COA8: variants seen among roughly 807,000 people sequenced by gnomAD.
The protein encoded by COA8 is UPF0671 protein C14orf153.
Under a neutral mutation model 22.0 loss-of-function variants are expected in COA8, and 20 were observed. The ratio of observed to expected loss-of-function variants is 0.91; its 90% CI spans 0.64 to 1.32. COA8 has a LOEUF of 1.32. COA8 is among the 40% of genes most tolerant of loss of function. The pLI, the probability that COA8 is intolerant of heterozygous loss-of-function variation, is 0.00. For missense variants in COA8, 266 were observed against 230.0 expected (o/e 1.16, Z -1.01); for synonymous variants, 105 against 79.9 (o/e 1.31, Z -1.68).
chr14:103,572,937 C>T (rs976053012), intron 2 of COA8, among the ~76,000 whole-genome samples: 1 of 151,734 alleles, frequency 6.6e-6, no homozygotes, highest in Non-Finnish European at 1.5e-5. Flanking sequence ...CACACACCTC[C>T]GTGCCCAGCT....
intron 1 of COA8, among the ~76,000 whole-genome samples, chr14:103,566,954 C>T (rs1484819254): frequency 6.6e-6 from 1 of 152,202 alleles, no homozygotes; most frequent in Non-Finnish European, 1.5e-5. Context: ...GTTGCCCAGG[C>T]TGGAGTGCAG....
At chr14:103,582,737 C>CCTTT (rs773173792) in intron 3 of COA8, among the ~76,000 whole-genome samples, 1 of 120,926 alleles carries the variant, frequency 8.3e-6, no homozygotes, top group East Asian at 2.3e-4. Flanking sequence ...TTCACCCTGC[C>CCTTT]TTTTTTTTTT....
rs1293806738 is a variant in COA8 at position 103,587,359 on chromosome 14, T to A, written c.471T>A (p.Tyr157Ter). The A allele has an allele frequency of 6.2e-7, 1 of 1,610,146 alleles. No homozygotes were observed. The highest frequency in any genetic ancestry group is 2.2e-5 in the East Asian group (1 of 44,810). Residue 157 changes from tyrosine to a stop codon, truncating the protein, a stop_gained, in exon 4 of 5, where the codon TAT becomes TAA. Transcript: ENST00000409074. LOFTEE classifies it high-confidence loss of function. ...AAAATTTTCAGAAGCACATGTATTA[T>A]AACAGGTAGGTGTTTACTCTTTTCC... ...LSKNFQKHMY[Y>*]NRDWYKRNFA...
At chr14:103,586,267 G>A (rs2076306395) in intron 3 of COA8, among the ~76,000 whole-genome samples, 1 of 147,534 alleles carries the variant, frequency 6.8e-6, no homozygotes, top group Non-Finnish European at 1.5e-5. Context: ...GAGTGCAGTG[G>A]TATGATCATG....
At chr14:103,574,578 C>G (rs1200789057) in intron 3 of COA8, 3 of 365,788 alleles carry the variant, frequency 8.2e-6, no homozygotes, top group Admixed American at 3.8e-5. Flanking sequence ...GTTCGTTAAA[C>G]AGATGTCTGC....
intron 1 of COA8, among the ~76,000 whole-genome samples, chr14:103,568,621 G>GTATATATATATATATA (rs57741003): frequency 2.4e-4 from 34 of 141,868 alleles, no homozygotes; most frequent in African/African-American, 8.8e-4. Context: ...ATGTGTGTGT[G>GTATATATATATATATA]TATATATATA....
At chr14:103,564,999 G>C (rs2076125644) in intron 1 of COA8, among the ~76,000 whole-genome samples, 1 of 152,136 alleles carries the variant, frequency 6.6e-6, no homozygotes, top group African/African-American at 2.4e-5. Context: ...TGTTGCCCAG[G>C]CTGGAGTGCA....
At chr14:103,564,824 G>A (rs374885043) in intron 1 of COA8, among the ~76,000 whole-genome samples, 4 of 151,976 alleles carry the variant, frequency 2.6e-5, no homozygotes, top group Non-Finnish European at 5.9e-5. Context: ...CAAGTGATGC[G>A]CCTGCCTGGG....
chr14:103,587,575 T>C (rs1433024316), intron 4 of COA8, among the ~76,000 whole-genome samples: 1 of 150,766 alleles, frequency 6.6e-6, no homozygotes, highest in African/African-American at 2.4e-5. Flanking sequence ...TGGCGCCATC[T>C]TGGCTCACTG....
In COA8 at chr14:103,590,866, ATAATAAT is replaced by A. The variant is rs2076347802; in HGVS notation, c.*587_*593del. On this transcript the variant is annotated 3_prime_UTR_variant, in exon 5 of 5. Transcript: ENST00000409074. Reference sequence around the variant, plus strand: ...AAACGAGACTCTGTATCAAAAAATAATAATAATTAATAAAGTTTTACTGGAAAAAAGA... The same window carrying A: ...AAACGAGACTCTGTATCAAAAAATAATAATAAAGTTTTACTGGAAAAAAGA... 6.6e-6 allele frequency: 1 copy of A among 152,182 alleles called. No individual in the cohort carries two copies. The highest frequency in any genetic ancestry group is 1.5e-5 in the Non-Finnish European group (1 of 68,058). The allele number at this position is 152,182 out of a possible 1,614,324, so 9.4% of individuals were successfully genotyped here. A position where few individuals can be genotyped will look rare whatever the true frequency, so the allele number is the denominator to read the frequency against.
At chr14:103,571,141 C>CT (rs2076181123) in intron 1 of COA8, among the ~76,000 whole-genome samples, 1 of 152,122 alleles carries the variant, frequency 6.6e-6, no homozygotes, top group South Asian at 2.1e-4. Context: ...CTGGTAGGGT[C>CT]TCTCATTAGC....
rs764475038 is a variant in COA8 at position 103,563,133 on chromosome 14, G to T, written c.123+9G>T. The stretch of plus-strand genomic sequence containing the variant: ...ATACGGCGCCCAGCGGGGTAAGCAG[G>T]GGCCTGGGGACATTGGGCCGGGAGG... On this transcript the variant is annotated intron_variant, in intron 1 of 4. Transcript: ENST00000409074. 1 of 1,539,368 alleles carries T rather than the reference G, an allele frequency of 6.5e-7. No individual in the cohort carries two copies. The highest frequency in any genetic ancestry group is 8.7e-7 in the Non-Finnish European group (1 of 1,148,250).
intron 1 of COA8, among the ~76,000 whole-genome samples, chr14:103,565,162 G>A (rs2076127035): frequency 6.6e-6 from 1 of 151,596 alleles, no homozygotes; most frequent in African/African-American, 2.4e-5. Context: ...GTTTCACTAT[G>A]CTGGCCAGGC....
intron 2 of COA8, among the ~76,000 whole-genome samples, chr14:103,572,767 GAGAATTCAAA>G (rs1381856585): frequency 6.7e-6 from 1 of 149,706 alleles, no homozygotes; most frequent in Non-Finnish European, 1.5e-5. Flanking sequence ...CATTCTTCCT[GAGAATTCAAA>G]AAAAAAAAAA....
chr14:103,567,194 G>A (rs1230568070), intron 1 of COA8, among the ~76,000 whole-genome samples: 1 of 152,064 alleles, frequency 6.6e-6, no homozygotes, highest in Non-Finnish European at 1.5e-5. Context: ...CCAACGTGGT[G>A]AAACACCGTC....
chr14:103,572,868 C>T (rs2076199388), intron 2 of COA8, among the ~76,000 whole-genome samples: 1 of 152,068 alleles, frequency 6.6e-6, no homozygotes, highest in Admixed American at 6.5e-5. Context: ...CTGCACCCTC[C>T]ACCTCCCAGG....
At chr14:103,566,583 G>T (rs1376436949) in intron 1 of COA8, among the ~76,000 whole-genome samples, 1 of 152,240 alleles carries the variant, frequency 6.6e-6, no homozygotes, top group East Asian at 1.9e-4. Context: ...TCTTCATGAG[G>T]TGCCAGAGAT....
intron 3 of COA8, among the ~76,000 whole-genome samples, chr14:103,583,692 A>G (rs1442178231): frequency 6.6e-6 from 1 of 151,962 alleles, no homozygotes; most frequent in Non-Finnish European, 1.5e-5. Flanking sequence ...CTTGGAGTTC[A>G]TGTCTGATGC....
intron 4 of COA8, chr14:103,588,116 CAAAAAAAAAAAAAAA>C (rs1221577064): frequency 1.6e-5 from 1 of 62,270 alleles, no homozygotes; most frequent in Non-Finnish European, 3.0e-5. Context: ...AACTCCATCT[CAAAAAAAAAAAAAAA>C]AAAAAAAAAC....
Sources: gnomAD v4.1 joint callset for allele counts (sites outside exome capture counted in the v4.1 genomes callset) on GRCh38, gnomAD v4.1.1 for gene constraint, MANE v1.5 for transcripts, NCBI Gene and HGNC (gene_info 2026-07-23, HGNC 2026-07-21) for gene names.